C18orf54: variants seen among roughly 807,000 people sequenced by gnomAD.
The protein encoded by C18orf54 is lung adenoma susceptibility protein 2.
In C18orf54, 49 loss-of-function variants were observed where a neutral mutation model predicts 49.3. The observed-to-expected ratio is 0.99, with a 90% CI of 0.79 to 1.26. The LOEUF is 1.26. Ranked by LOEUF, C18orf54 falls within the 50% of genes most tolerant of loss-of-function variation. The probability of loss-of-function intolerance (pLI) is 0.00; values close to 1 mark genes in which losing one functional copy is unlikely to be tolerated. For missense variants in C18orf54, 687 were observed against 620.6 expected, an observed-to-expected ratio of 1.11 and a Z score of -1.14; for synonymous variants, 211 against 216.6, an observed-to-expected ratio of 0.97 and a Z score of 0.23.
chr18:54,377,689 G>T (rs1288946615), intron 8 of C18orf54, among the ~76,000 whole-genome samples: 2 of 152,094 alleles, frequency 1.3e-5, no homozygotes, highest in African/African-American at 4.8e-5. Context: ...CAATAAAAAT[G>T]AGTTTTGTTC....
At chr18:54,368,243 C>G (rs1260869824) in intron 6 of C18orf54, among the ~76,000 whole-genome samples, 2 of 151,594 alleles carry the variant, frequency 1.3e-5, no homozygotes, top group Non-Finnish European at 2.9e-5. Context: ...GTCATATTTT[C>G]TTGGTTTTTC....
At chr18:54,378,087 T>A in intron 8 of C18orf54, 87 bp from the exon 9 acceptor site, 1 of 414,416 alleles carries the variant, frequency 2.4e-6, no homozygotes, top group East Asian at 5.4e-5. Flanking sequence ...AAGTTAATAG[T>A]CAACTTTATT....
chr18:54,371,655 T>G (rs1335214901), intron 6 of C18orf54, among the ~76,000 whole-genome samples: 1 of 152,164 alleles, frequency 6.6e-6, no homozygotes, highest in Non-Finnish European at 1.5e-5. Flanking sequence ...TTTAAAATCT[T>G]TTTAACCATA....
chr18:54,363,477 C>G (rs1483876167), intron 5 of C18orf54, among the ~76,000 whole-genome samples: 2 of 152,066 alleles, frequency 1.3e-5, no homozygotes, highest in Admixed American at 1.3e-4. Context: ...ACCACCATGC[C>G]CAGCTAATTT....
At chr18:54,368,823 C>T (rs529180775) in intron 6 of C18orf54, among the ~76,000 whole-genome samples, 2 of 152,160 alleles carry the variant, frequency 1.3e-5, no homozygotes, top group African/African-American at 4.8e-5. Context: ...TAATGAAAAA[C>T]TATCTTTATA....
chr18:54,365,243 C>T (rs1429790967), intron 5 of C18orf54, among the ~76,000 whole-genome samples: 3 of 151,982 alleles, frequency 2.0e-5, no homozygotes, highest in Non-Finnish European at 4.4e-5. Context: ...CCAGAATAAT[C>T]TGTTCTTTAT....
chr18:54,370,829 G>A (rs2089473294), intron 6 of C18orf54, among the ~76,000 whole-genome samples: 1 of 152,088 alleles, frequency 6.6e-6, no homozygotes, highest in Non-Finnish European at 1.5e-5. Flanking sequence ...TTGGCATAAG[G>A]CAGCCGAAGT....
At chr18:54,370,258 C>T in intron 6 of C18orf54, among the ~76,000 whole-genome samples, 1 of 134,760 alleles carries the variant, frequency 7.4e-6, no homozygotes, top group African/African-American at 2.8e-5. Flanking sequence ...GCCTGGGCAA[C>T]AGAGCGAGAC....
Position 54,378,244 on chromosome 18 carries a change from T to G in C18orf54, c.1600T>G (p.Ter534GlyextTer4). 1 of 1,612,662 alleles carries G rather than the reference T, an allele frequency of 6.2e-7. No homozygotes were observed. The highest frequency in any genetic ancestry group is 1.1e-5 in the South Asian group (1 of 91,016). Reference sequence around the variant, plus strand: ...GAATGGAGAACGGTCACCGAAAATGTGAAGAGGAAAATGAAACTGTCACCA... The same window carrying G: ...GAATGGAGAACGGTCACCGAAAATGGGAAGAGGAAAATGAAACTGTCACCA... ...DTNGERSPKM[*>G] The change falls in exon 9 of 9, where the codon TGA becomes GGA. Residue 534 changes from the stop codon to glycine (G), a stop_lost. Transcript: ENST00000620105.
At chr18:54,372,360 T>G (rs2144746838) in intron 6 of C18orf54, 106 bp from the exon 7 acceptor site, 1 of 1,091,084 alleles carries the variant, frequency 9.2e-7, no homozygotes, top group Non-Finnish European at 1.2e-6. Flanking sequence ...ATACATTGTT[T>G]GGAGTTTTAC....
At chr18:54,368,477 A>G (rs9953620) in intron 6 of C18orf54, among the ~76,000 whole-genome samples, 113,156 of 151,952 alleles carry the variant, frequency 0.74, 42,557 homozygotes, top group African/African-American at 0.86. Context: ...TTTTTGGCAA[A>G]AATACTGAAG....
At position 54,374,304 on chromosome 18, in the gene C18orf54, A is replaced by G; in HGVS notation, c.1529+20A>G. On this transcript the variant is annotated intron_variant, in intron 8 of 8. Transcript: ENST00000620105. ...TCAGAAGTAAGTATTCTTTACTAAT[A>G]TGGATACAAATCCATCTTAGCCATT... 6.5e-7 allele frequency: 1 copy of G among 1,549,812 alleles called. No individual in the cohort carries two copies. The highest frequency in any genetic ancestry group is 1.3e-5 in the South Asian group (1 of 79,724).
At chr18:54,376,674 T>C (rs1180874010) in intron 8 of C18orf54, among the ~76,000 whole-genome samples, 2 of 152,232 alleles carry the variant, frequency 1.3e-5, no homozygotes, top group Admixed American at 6.5e-5. Context: ...GATTGGTTAG[T>C]AACTTTGGGT....
chr18:54,373,234 G>A (rs2089519029), intron 7 of C18orf54, among the ~76,000 whole-genome samples: 1 of 151,664 alleles, frequency 6.6e-6, no homozygotes, highest in Non-Finnish European at 1.5e-5. Flanking sequence ...TTACTAGCAA[G>A]TGCAATATTT....
At chr18:54,376,888 CA>C (rs1461319261) in intron 8 of C18orf54, among the ~76,000 whole-genome samples, 2 of 152,074 alleles carry the variant, frequency 1.3e-5, no homozygotes, top group Non-Finnish European at 2.9e-5. Context: ...GTGGAAGATG[CA>C]GTTTATTATA....
intron 6 of C18orf54, among the ~76,000 whole-genome samples, chr18:54,371,214 AG>A (rs11321489): frequency 0.74 from 111,944 of 152,010 alleles, 41,717 homozygotes; most frequent in African/African-American, 0.86. Context: ...TTGTTACTAT[AG>A]GAACCTCGTG....
intron 6 of C18orf54, among the ~76,000 whole-genome samples, chr18:54,368,870 T>C (rs1006758406): frequency 1.3e-5 from 2 of 152,202 alleles, no homozygotes; most frequent in Admixed American, 6.5e-5. Context: ...GATTCACTAA[T>C]TTATTTTATT....
At position 54,362,593 on chromosome 18, in the gene C18orf54, A is replaced by G. The variant is rs73476821; in HGVS notation, c.1072+162A>G. On this transcript the variant is annotated intron_variant, in intron 4 of 8. Coordinates refer to ENST00000620105, the MANE Select transcript of C18orf54 (RefSeq NM_001288980.2). ...TCTTCACATACAGCATTTTGTAACT[A>G]GAAAATGTCTTTTCTCCCATTTTTT... Among the ~76,000 whole-genome samples the G allele has an allele frequency of 4.0e-3, 602 of 152,324 alleles. 5 individuals are homozygous for G. The highest frequency in any genetic ancestry group is 0.014 in the African/African-American group (577 of 41,570).
chr18:54,361,764 A>G lies in C18orf54; in HGVS notation c.405A>G (p.Gly135=). 6.2e-7 allele frequency: 1 copy of G among 1,614,134 alleles called. No homozygotes were observed. Among genetic ancestry groups the G allele is most frequent in the Non-Finnish European group, 8.5e-7 (1 of 1,179,992 alleles). ...ATCTATTAAGACTCCCAGCAGATGG[A>G]TCATTTTCTTATACTTATGTTGGAC... ...TDDLLRLPAD[G]SFSYTYVGPS... Residue 135 remains glycine, a synonymous_variant, in exon 4 of 9, where the codon GGA becomes GGG. Coordinates refer to ENST00000620105, the MANE Select transcript of C18orf54 (RefSeq NM_001288980.2).
Sources: gnomAD v4.1 joint callset for allele counts (sites outside exome capture counted in the v4.1 genomes callset) on GRCh38, gnomAD v4.1.1 for gene constraint, MANE v1.5 for transcripts, NCBI Gene and HGNC (gene_info 2026-07-23, HGNC 2026-07-21) for gene names.